Variants in CADPS2 observed in about 807,000 individuals in gnomAD.
The protein encoded by CADPS2 is calcium dependent secretion activator 2, also known as calcium-dependent secretion activator 2.
A neutral mutation model predicts 172.5 loss-of-function variants in CADPS2; 93 were observed. That is an observed-to-expected ratio of 0.54 (90% CI 0.46 to 0.64). The LOEUF is 0.64. Among genes scored for constraint, CADPS2 ranks in the 30% least tolerant of loss-of-function variants. The pLI, the probability that CADPS2 is intolerant of heterozygous loss-of-function variation, is 0.00. For synonymous variants in CADPS2, 546 were observed against 555.2 expected (o/e 0.98, Z 0.23); for missense variants, 1,420 against 1,565.9 (o/e 0.91, Z 1.57).
At chr7:122,513,177 A>C (rs920933033) in intron 9 of CADPS2, 72 bp downstream of exon 9, 3 of 996,126 alleles carry the variant, frequency 3.0e-6, no homozygotes, top group South Asian at 2.9e-5. Context: ...ATTTTGATAG[A>C]TATAACCCAC....
chr7:122,850,127 GT>G, intron 1 of CADPS2: 1 of 1,289,706 alleles, frequency 7.8e-7, no homozygotes. Flanking sequence ...ACAACTCCGA[GT>G]TTTAGCAACT....
intron 8 of CADPS2, among the ~76,000 whole-genome samples, chr7:122,514,246 A>G (rs1426572021): frequency 6.6e-6 from 1 of 151,018 alleles, no homozygotes; most frequent in Non-Finnish European, 1.5e-5. Context: ...AGATTTTTCA[A>G]TATTTTATAA....
chr7:122,647,101 C>T (rs1216301922), intron 3 of CADPS2, among the ~76,000 whole-genome samples: 1 of 152,018 alleles, frequency 6.6e-6, no homozygotes, highest in African/African-American at 2.4e-5. Flanking sequence ...ATCAGTTTAC[C>T]ATGGGTTTAA....
At chr7:122,373,810 C>T (rs895886269) in intron 25 of CADPS2, among the ~76,000 whole-genome samples, 1 of 151,956 alleles carries the variant, frequency 6.6e-6, no homozygotes, top group African/African-American at 2.4e-5. Context: ...AAGTGAATTC[C>T]ACCAAACATT....
chr7:122,659,501 G>A (rs552022492), intron 3 of CADPS2, among the ~76,000 whole-genome samples: 15 of 151,994 alleles, frequency 9.9e-5, no homozygotes, highest in Non-Finnish European at 2.1e-4. Flanking sequence ...GGATAACATG[G>A]GTAACAGAAA....
intron 8 of CADPS2, among the ~76,000 whole-genome samples, chr7:122,532,721 T>C (rs1419583582): frequency 1.3e-5 from 2 of 152,102 alleles, no homozygotes; most frequent in Non-Finnish European, 2.9e-5. Flanking sequence ...ATGAAAAGAA[T>C]AAAAGCCAAC....
intron 1 of CADPS2, among the ~76,000 whole-genome samples, chr7:122,831,537 A>G (rs955272231): frequency 3.3e-5 from 5 of 152,258 alleles, no homozygotes; most frequent in African/African-American, 1.2e-4. Context: ...AAGTACTTCA[A>G]TAATTCTTCC....
chr7:122,569,240 GACAA>G (rs1475939138), intron 7 of CADPS2, among the ~76,000 whole-genome samples: 4 of 151,976 alleles, frequency 2.6e-5, no homozygotes, highest in East Asian at 1.9e-4. Flanking sequence ...ACCAATAACA[GACAA>G]ACAGAGAGCC....
intron 20 of CADPS2, among the ~76,000 whole-genome samples, chr7:122,398,290 G>A (rs1272004645): frequency 6.6e-6 from 1 of 152,046 alleles, no homozygotes; most frequent in Non-Finnish European, 1.5e-5. Flanking sequence ...TAAAGAATAA[G>A]CAAATAAAAG....
intron 2 of CADPS2, among the ~76,000 whole-genome samples, chr7:122,685,423 C>T (rs1317059969): frequency 1.3e-5 from 2 of 152,256 alleles, no homozygotes; most frequent in South Asian, 4.1e-4. Context: ...GCAGCTAACA[C>T]TGTCTTCTGT....
In CADPS2 at chr7:122,480,975, A is replaced by G. The variant is rs2057218317; in HGVS notation, c.1853-115T>C. 4.3e-6 allele frequency: 4 copies of G among 937,318 alleles called. No individual in the cohort carries two copies. The East Asian group carries it at 9.0e-5, about 21-fold the overall frequency. 58.1% of individuals were successfully genotyped at this position (937,318 alleles called of 1,614,324 possible). ...TTCTCAATTTCTACTCATGATTTTA[A>G]AAGTTGTTTTTCTAAAAGACCATCA... is the stretch of plus-strand genomic sequence containing the variant. On this transcript the variant is annotated intron_variant, in intron 11 of 29. Transcript: ENST00000449022.
chr7:122,393,377 T>C, intron 21 of CADPS2, 62 bp from the exon 22 acceptor site: 1 of 1,613,220 alleles, frequency 6.2e-7, no homozygotes, highest in Non-Finnish European at 8.5e-7. Flanking sequence ...GATGGCCATG[T>C]GTGAAGTCAT....
rs762900594 is a variant in CADPS2 at position 122,621,610 on chromosome 7, A to T, written c.975T>A (p.Val325=). The change falls in exon 5 of 30, where the codon GTT becomes GTA. Residue 325 remains valine, a synonymous_variant. Transcript: ENST00000449022. ...ATTTAAATTCCGGACCACCTTTCGA[A>T]ACTGGAAGACTTTCCAAATTGGCCA... ...LLMANLESLP[V]SKGGPEFKLQ... is the part of the protein sequence containing the mutation. 1 of 1,613,804 alleles carries T rather than the reference A, an allele frequency of 6.2e-7. No homozygotes were observed. Among genetic ancestry groups the T allele is most frequent in the Non-Finnish European group, 8.5e-7 (1 of 1,179,764 alleles).
intron 20 of CADPS2, among the ~76,000 whole-genome samples, chr7:122,397,658 G>C (rs79567739): frequency 0.049 from 7,413 of 152,110 alleles, 613 homozygotes; most frequent in African/African-American, 0.17. Context: ...CTGTCAAAAG[G>C]CCCTCTTAAT....
At chr7:122,865,137 T>C (rs756395981) in intron 1 of CADPS2, among the ~76,000 whole-genome samples, 3 of 152,030 alleles carry the variant, frequency 2.0e-5, no homozygotes, top group Non-Finnish European at 1.5e-5. Flanking sequence ...AAAATGAGTC[T>C]GGCATCTCCT....
chr7:122,339,320 A>G (rs1156536724), intron 28 of CADPS2, among the ~76,000 whole-genome samples: 1 of 152,102 alleles, frequency 6.6e-6, no homozygotes, highest in Non-Finnish European at 1.5e-5. Context: ...TGAAAGTTCT[A>G]TTTAATGGTC....
intron 3 of CADPS2, among the ~76,000 whole-genome samples, chr7:122,652,324 A>T (rs1303638906): frequency 6.6e-6 from 1 of 152,182 alleles, no homozygotes; most frequent in African/African-American, 2.4e-5. Context: ...GCATTACCTT[A>T]TGTCTTATTT....
Position 122,850,865 on chromosome 7 carries a change from G to A in CADPS2, c.339+35134C>T, listed in dbSNP as rs1584918800. ...CTGTGGCTAACACCAGCATTTAAGG[G>A]GCTGGCCCTCCTGCTTTGCAACCCA... On this transcript the variant is annotated intron_variant, in intron 1 of 29. Coordinates refer to ENST00000449022, the MANE Select transcript of CADPS2 (RefSeq NM_017954.11). Among the ~76,000 whole-genome samples, 3 of 152,248 alleles carry A rather than the reference G, an allele frequency of 2.0e-5. No homozygotes were observed. In the East Asian group the frequency reaches 5.8e-4, roughly 29 times the overall value.
intron 9 of CADPS2, among the ~76,000 whole-genome samples, chr7:122,493,720 CTTT>C (rs10544810): frequency 0.32 from 41,870 of 131,466 alleles, 5,751 homozygotes; most frequent in Admixed American, 0.36. Flanking sequence ...TATGTTTAAT[CTTT>C]TTTTTTTTTT....
Sources: gnomAD v4.1 joint callset for allele counts (sites outside exome capture counted in the v4.1 genomes callset) on GRCh38, gnomAD v4.1.1 for gene constraint, MANE v1.5 for transcripts, NCBI Gene and HGNC (gene_info 2026-07-23, HGNC 2026-07-21) for gene names.